GRIN2C: variants seen among roughly 807,000 people sequenced by gnomAD.
The protein encoded by GRIN2C is glutamate ionotropic receptor NMDA type subunit 2C.
GRIN2C carries 64 observed loss-of-function variants against 77.7 expected under a neutral mutation model. That is an observed-to-expected ratio of 0.82 (90% CI 0.67 to 1.01). The LOEUF is 1.01. Ranked by LOEUF, GRIN2C falls within the 50% of genes least tolerant of loss-of-function variation. GRIN2C has a pLI of 0.00. For missense variants in GRIN2C, 1,549 were observed against 1,486.0 expected (o/e 1.04, Z -0.70); for synonymous variants, 792 against 643.4 (o/e 1.23, Z -3.49).
chr17:74,846,377 CAG>C lies in GRIN2C; in HGVS notation c.2163-126_2163-125del, dbSNP rs2037457896. ...GGCACCCCCGGGAGGGACCAATGGG[CAG>C]AGACTTGTCTGGTTCTCTTGGGTCC... On this transcript the variant is annotated intron_variant, in intron 10 of 12. Coordinates refer to ENST00000293190, the MANE Select transcript of GRIN2C (RefSeq NM_000835.6). The surrounding 1 kb of genome is among the most constrained non-coding windows in gnomAD (Gnocchi z 4.4). 2 of 765,910 alleles carry C rather than the reference CAG, an allele frequency of 2.6e-6. No homozygotes were observed. Among genetic ancestry groups the C allele is most frequent in the Non-Finnish European group, 4.3e-6 (2 of 463,934 alleles). 47.4% of individuals were successfully genotyped at this position (765,910 alleles called of 1,614,324 possible). A position where few individuals can be genotyped will look rare whatever the true frequency, so the allele number is the denominator to read the frequency against.
In GRIN2C at chr17:74,850,843, C is replaced by A; in HGVS notation, c.1114-76G>T. On this transcript the variant is annotated intron_variant, in intron 4 of 12. Transcript: ENST00000293190. This position sits in a 1 kb window ranked among gnomAD's most constrained non-coding sequence, Gnocchi z 5.3. ...CCCTCTAGGTGGAGCCTGCCAGGGCCAAGAATCTCCCTCTCTCACCTAGGG... is the reference window on the plus strand; with the variant it reads ...CCCTCTAGGTGGAGCCTGCCAGGGCAAAGAATCTCCCTCTCTCACCTAGGG... 8.3e-7 allele frequency: 1 copy of A among 1,210,316 alleles called. No individual in the cohort carries two copies. The highest frequency in any genetic ancestry group is 1.2e-6 in the Non-Finnish European group (1 of 840,318). The allele number at this position is 1,210,316 out of a possible 1,614,324, so 75.0% of individuals were successfully genotyped here.
chr17:74,850,439 C>A lies in GRIN2C; in HGVS notation c.1326-68G>T. On this transcript the variant is annotated intron_variant, in intron 5 of 12. Transcript: ENST00000293190. The surrounding 1 kb of genome is among the most constrained non-coding windows in gnomAD (Gnocchi z 5.3). ...TCGTGGCCCAGCCCCGCCCCAGCCA[C>A]TCCTCCAGCCTGGCACGTGGACCCC... is the stretch of plus-strand genomic sequence containing the variant. 1.3e-6 allele frequency: 2 copies of A among 1,580,402 alleles called. No homozygotes were observed. Among genetic ancestry groups the A allele is most frequent in the Non-Finnish European group, 8.6e-7 (1 of 1,157,958 alleles).
rs763437452 is a variant in GRIN2C, at chr17:74,850,590, C to T, written c.1291G>A (p.Val431Met). The T allele has an allele frequency of 8.7e-6, 14 of 1,613,454 alleles. No homozygotes were observed. The highest frequency in any genetic ancestry group is 1.3e-5 in the African/African-American group (1 of 74,900). The change falls in exon 5 of 13, where the codon GTG becomes ATG. Residue 431 changes from valine to methionine, a missense_variant. Val to Met is a conservative substitution (Grantham distance 21). This residue lies in a region of GRIN2C where 717 missense variants were observed against 858.1 expected (regional missense o/e 0.84). Coordinates refer to ENST00000293190, the MANE Select transcript of GRIN2C (RefSeq NM_000835.6). This position sits in a 1 kb window ranked among gnomAD's most constrained non-coding sequence, Gnocchi z 5.3. ...TGGTTGCTCTGCCTGCGGCAGGGCA[C>T]GGTGTTGGGGACACAGCCTCCTGTG... ...PGTGGCVPNT[V>M]PCRRQSNHTF...
At chr17:74,852,675 A>G in intron 2 of GRIN2C, 64 bp from the exon 3 acceptor site, 1 of 715,030 alleles carries the variant, frequency 1.4e-6, no homozygotes, top group South Asian at 2.9e-5. Context: ...CCCTTCCCCG[A>G]CCTCGGCCCC....
In GRIN2C at chr17:74,849,026, AAAGG is replaced by A. The variant is rs1020731343; in HGVS notation, c.1645+750_1645+753del. On this transcript the variant is annotated intron_variant, in intron 7 of 12. Transcript: ENST00000293190. This position sits in a 1 kb window ranked among gnomAD's most constrained non-coding sequence, Gnocchi z 4.6. ...GAGGAACACCCTGTCTCAAAAAAAA[AAAGG>A]AAGGAAAGAAGAAAGGAAGAGTGGG... Among the ~76,000 whole-genome samples the A allele has an allele frequency of 6.6e-5, 10 of 151,964 alleles. No homozygotes were observed. Among genetic ancestry groups the A allele is most frequent in the Admixed American group, 1.3e-4 (2 of 15,268 alleles).
intron 1 of GRIN2C, among the ~76,000 whole-genome samples, chr17:74,857,501 A>AG (rs892477760): frequency 1.4e-4 from 21 of 152,206 alleles, no homozygotes; most frequent in African/African-American, 4.1e-4. Flanking sequence ...GAGTCTGGCA[A>AG]GGGATCGATC....
intron 7 of GRIN2C, among the ~76,000 whole-genome samples, chr17:74,848,816 A>G (rs1172520709): frequency 6.6e-6 from 1 of 152,158 alleles, no homozygotes; most frequent in Non-Finnish European, 1.5e-5. Flanking sequence ...AGGAGTTTGG[A>G]GACCAGCCTG....
At chr17:74,845,989 C>CT in intron 11 of GRIN2C, 77 bp downstream of exon 11, 4 of 1,370,544 alleles carry the variant, frequency 2.9e-6, no homozygotes, top group Non-Finnish European at 4.1e-6. Flanking sequence ...GCCTTGGGAA[C>CT]TTGAGTGGTG....
intron 1 of GRIN2C, among the ~76,000 whole-genome samples, chr17:74,856,526 T>A (rs2037825219): frequency 6.8e-6 from 1 of 146,656 alleles, no homozygotes; most frequent in African/African-American, 2.5e-5. Context: ...TCACCCAGAC[T>A]GGAGTGCAGT....
chr17:74,860,909 TG>T, upstream of GRIN2C: 1 of 219,312 alleles, frequency 4.6e-6, no homozygotes. Context: ...CTAGGGAAAC[TG>T]GGGCACTGGG....
chr17:74,846,639 C>T lies in GRIN2C; in HGVS notation c.2162+121G>A, dbSNP rs2037464358. The T allele has an allele frequency of 2.8e-6, 3 of 1,068,906 alleles. No individual in the cohort carries two copies. The highest frequency in any genetic ancestry group is 4.0e-6 in the Non-Finnish European group (3 of 744,232). 66.2% of individuals were successfully genotyped at this position (1,068,906 alleles called of 1,614,324 possible). A position where few individuals can be genotyped will look rare whatever the true frequency, so the allele number is the denominator to read the frequency against. ...GCTCCACTCTGCCCCAAGACCTCTT[C>T]CCTCCACCCCACAGGAGTCCTGCAG... On this transcript the variant is annotated intron_variant, in intron 10 of 12. Transcript: ENST00000293190. This position sits in a 1 kb window ranked among gnomAD's most constrained non-coding sequence, Gnocchi z 4.4.
chr17:74,848,724 C>A (rs1237711298), intron 7 of GRIN2C, among the ~76,000 whole-genome samples: 1 of 151,590 alleles, frequency 6.6e-6, no homozygotes, highest in Non-Finnish European at 1.5e-5. Flanking sequence ...GAAAAGAAAT[C>A]ACTACTATTG....
chr17:74,842,173 A>C lies in GRIN2C; in HGVS notation c.*262T>G. On this transcript the variant is annotated 3_prime_UTR_variant, in exon 13 of 13. Transcript: ENST00000293190. ...ACCAGTAACTGGCTAGCCCCAGGGA[A>C]GGGAGAGCCTCAGGAGTCTGACCCC... is the stretch of plus-strand genomic sequence containing the variant. The C allele has an allele frequency of 6.8e-6, 3 of 439,710 alleles. No homozygotes were observed. Among genetic ancestry groups the C allele is most frequent in the Non-Finnish European group, 1.2e-5 (3 of 247,996 alleles). 27.2% of individuals were successfully genotyped at this position (439,710 alleles called of 1,614,324 possible).
intron 2 of GRIN2C, 162 bp from the exon 3 acceptor site, chr17:74,852,773 G>A: frequency 2.2e-6 from 1 of 464,154 alleles, no homozygotes; most frequent in Non-Finnish European, 3.8e-6. Flanking sequence ...CCCCAATGTG[G>A]TTCCCCGCTG....
rs992336328 is a variant in GRIN2C at position 74,849,591 on chromosome 17, C to T, written c.1645+189G>A. 6.6e-6 allele frequency among the ~76,000 whole-genome samples: 1 copy of T among 152,162 alleles called. No homozygotes were observed. Among genetic ancestry groups the T allele is most frequent in the African/African-American group, 2.4e-5 (1 of 41,434 alleles). On this transcript the variant is annotated intron_variant, in intron 7 of 12. Coordinates refer to ENST00000293190, the MANE Select transcript of GRIN2C (RefSeq NM_000835.6). The surrounding 1 kb of genome is among the most constrained non-coding windows in gnomAD (Gnocchi z 4.6). ...CCCCACCCTCACCTGGCAGCCATAC[C>T]TAGAACCGAACACTGACTTCACTTC...
At chr17:74,848,359 G>C (rs1029563797) in intron 7 of GRIN2C, among the ~76,000 whole-genome samples, 1 of 152,152 alleles carries the variant, frequency 6.6e-6, no homozygotes, top group African/African-American at 2.4e-5. Flanking sequence ...CCACACCCAG[G>C]GAACTGGAGA....
In GRIN2C at chr17:74,844,405, G is replaced by A; in HGVS notation, c.2454C>T (p.Val818=). ...SKLDIDNMAG[V]FYMLLVAMGL... is the part of the protein sequence containing the mutation. ...CCATGGCCACCAGCAGCATGTAGAA[G>A]ACGCCTGCCATGTTGTCGATGTCCA... Residue 818 remains valine, a synonymous_variant, in exon 12 of 13, where the codon GTC becomes GTT. Coordinates refer to ENST00000293190, the MANE Select transcript of GRIN2C (RefSeq NM_000835.6). 3 of 1,614,234 alleles carry A rather than the reference G, an allele frequency of 1.9e-6. No homozygotes were observed. The highest frequency in any genetic ancestry group is 1.7e-5 in the Admixed American group (1 of 60,030).
rs532460102 is a variant in GRIN2C, at chr17:74,843,148, G to A, written c.2989C>T (p.Arg997Cys). The change falls in exon 13 of 13, where the codon CGC (arginine) becomes TGC (cysteine). Residue 997 changes from arginine to cysteine, a missense_variant. Arg to Cys is a radical substitution (Grantham distance 180, BLOSUM62 -3). Coordinates refer to ENST00000293190, the MANE Select transcript of GRIN2C (RefSeq NM_000835.6). ...PLSDVSRVSR[R>C]PAWEARWPVR... The stretch of plus-strand genomic sequence containing the variant: ...GGCCACCGCGCCTCCCAGGCTGGGC[G>A]GCGCGACACTCGGGAGACGTCGGAC... 128 of 415,956 alleles carry A rather than the reference G, an allele frequency of 3.1e-4. 1 individual carries two copies. The highest frequency in any genetic ancestry group is 1.9e-3 in the African/African-American group (93 of 48,434). 25.8% of individuals were successfully genotyped at this position (415,956 alleles called of 1,614,324 possible). A position where few individuals can be genotyped will look rare whatever the true frequency, so the allele number is the denominator to read the frequency against.
Position 74,852,248 on chromosome 17 carries a change from G to T in GRIN2C, c.763C>A (p.Pro255Thr). Residue 255 changes from proline (P) to threonine (T), a missense_variant, in exon 3 of 13, where the codon CCC (proline) becomes ACC (threonine). Around this residue, in one of 3 missense-constraint regions of GRIN2C, gnomAD observed 717 missense variants for 858.1 expected, o/e 0.84. Transcript: ENST00000293190. ...TCGGTGCTGCCCAGCGCCAGGTTGG[G>T]CACCAGCCACACGTGGCCGGGCCCC... is the stretch of plus-strand genomic sequence containing the variant. ...LVGPGHVWLV[P>T]NLALGSTDAP... 7.1e-7 allele frequency: 1 copy of T among 1,400,934 alleles called. No individual in the cohort carries two copies. Among genetic ancestry groups the T allele is most frequent in the South Asian group, 1.5e-5 (1 of 65,918 alleles). The allele number at this position is 1,400,934 out of a possible 1,614,324, so 86.8% of individuals were successfully genotyped here.
Sources: allele counts gnomAD v4.1 joint callset (sites outside exome capture counted in the v4.1 genomes callset), GRCh38; gene constraint gnomAD v4.1.1; regional missense constraint gnomAD v4.1.1; non-coding constraint Gnocchi (gnomAD v3.1); transcripts MANE v1.5; gene names NCBI Gene and HGNC (gene_info 2026-07-23, HGNC 2026-07-21).